Variants in CDH8 observed in about 807,000 individuals in gnomAD.
CDH8 encodes the protein cadherin 8.
CDH8 carries 17 observed loss-of-function variants against 68.1 expected under a neutral mutation model. The observed-to-expected ratio is 0.25, with a 90% CI of 0.17 to 0.37. CDH8 has a LOEUF of 0.37. Among genes scored for constraint, CDH8 ranks in the 10% least tolerant of loss-of-function variants. The pLI is 1.00. For synonymous variants in CDH8, 372 were observed against 365.1 expected, an observed-to-expected ratio of 1.02 and a Z score of -0.21; for missense variants, 763 against 999.3, an observed-to-expected ratio of 0.76 and a Z score of 3.19.
chr16:62,023,516 G>C (rs769354525), intron 1 of CDH8, among the ~76,000 whole-genome samples: 4 of 152,142 alleles, frequency 2.6e-5, no homozygotes, highest in African/African-American at 9.7e-5. Flanking sequence ...CCAGATCATG[G>C]GAAATACTTG....
rs1363120694 is a variant in CDH8 at position 61,649,004 on chromosome 16, G to A, written c.*4604C>T. ...TTATCATAAGAAGCAATAATTACAA[G>A]GGCAAATAATACATTCAACACTGTT... On this transcript the variant is annotated 3_prime_UTR_variant, in exon 12 of 12. Transcript: ENST00000577390. 4 of 151,808 alleles carry A rather than the reference G, an allele frequency of 2.6e-5. No individual in the cohort carries two copies. The highest frequency in any genetic ancestry group is 9.7e-5 in the African/African-American group (4 of 41,372). The allele number at this position is 151,808 out of a possible 1,614,324, so 9.4% of individuals were successfully genotyped here. A position where few individuals can be genotyped will look rare whatever the true frequency, so the allele number is the denominator to read the frequency against.
chr16:61,696,151 G>A (rs1453503818), intron 10 of CDH8, among the ~76,000 whole-genome samples: 1 of 152,174 alleles, frequency 6.6e-6, no homozygotes, highest in African/African-American at 2.4e-5. Flanking sequence ...GGGAAGTGAA[G>A]GAATCCCTCT....
At chr16:62,027,989 A>G (rs1902234398) in intron 1 of CDH8, among the ~76,000 whole-genome samples, 1 of 150,854 alleles carries the variant, frequency 6.6e-6, no homozygotes, top group African/African-American at 2.4e-5. Context: ...CCACATATTT[A>G]TCCAGATGTC....
intron 2 of CDH8, among the ~76,000 whole-genome samples, chr16:62,017,364 T>C (rs1250621476): frequency 1.3e-5 from 2 of 152,118 alleles, no homozygotes; most frequent in Admixed American, 1.3e-4. Flanking sequence ...TTAGAAGAAC[T>C]GATAGGGAAA....
Position 61,901,167 on chromosome 16 carries a change from A to G in CDH8, c.547+12T>C. The G allele has an allele frequency of 6.2e-7, 1 of 1,607,772 alleles. No homozygotes were observed. Among genetic ancestry groups the G allele is most frequent in the Non-Finnish European group, 8.5e-7 (1 of 1,176,342 alleles). ...ACTTTTAATAGATCTGTGAAATTGG[A>G]AGCATACATACCCAAAATGGACATT... On this transcript the variant is annotated intron_variant, in intron 3 of 11. Transcript: ENST00000577390.
intron 10 of CDH8, among the ~76,000 whole-genome samples, chr16:61,687,887 AT>A (rs780155299): frequency 7.2e-5 from 11 of 152,034 alleles, no homozygotes; most frequent in Non-Finnish European, 1.5e-4. Context: ...TCTCATTTAT[AT>A]ATTATTGCAT....
At chr16:61,872,698 C>G (rs957023321) in intron 3 of CDH8, among the ~76,000 whole-genome samples, 1 of 152,148 alleles carries the variant, frequency 6.6e-6, no homozygotes, top group African/African-American at 2.4e-5. Flanking sequence ...CCCATCACAG[C>G]CTAAACTAGT....
intron 2 of CDH8, among the ~76,000 whole-genome samples, chr16:62,007,742 T>C (rs1901707796): frequency 6.6e-6 from 1 of 152,126 alleles, no homozygotes. Context: ...ATGGCTTTTG[T>C]CTGCTTGCTT....
At chr16:61,840,644 A>G (rs1311363814) in intron 4 of CDH8, among the ~76,000 whole-genome samples, 4 of 152,194 alleles carry the variant, frequency 2.6e-5, no homozygotes, top group African/African-American at 7.2e-5. Flanking sequence ...GCCAGAAGAC[A>G]TTATCCTCAG....
At chr16:61,682,749 T>C (rs949024033) in intron 10 of CDH8, among the ~76,000 whole-genome samples, 2 of 152,008 alleles carry the variant, frequency 1.3e-5, no homozygotes, top group African/African-American at 4.8e-5. Flanking sequence ...GCACTTGCAA[T>C]TATCTTGCTT....
chr16:61,865,083 T>C (rs998878455), intron 3 of CDH8, among the ~76,000 whole-genome samples: 45 of 152,292 alleles, frequency 3.0e-4, no homozygotes, highest in African/African-American at 7.2e-4. Flanking sequence ...ATGTGCCAAC[T>C]CTCAGCCTGT....
At chr16:61,988,406 T>C (rs1351262764) in intron 2 of CDH8, among the ~76,000 whole-genome samples, 1 of 152,186 alleles carries the variant, frequency 6.6e-6, no homozygotes, top group Non-Finnish European at 1.5e-5. Flanking sequence ...ATACAAAATA[T>C]GACTTTCTAT....
At position 61,652,809 on chromosome 16, in the gene CDH8, T is replaced by A. The variant is rs1963351433; in HGVS notation, c.*799A>T. ...AATTCACGCGCTAGCAATAAAACCA[T>A]CTGTCTCTTATGTAGTCCACTGTGT... On this transcript the variant is annotated 3_prime_UTR_variant, in exon 12 of 12. Coordinates refer to ENST00000577390, the MANE Select transcript of CDH8 (RefSeq NM_001796.5). The A allele has an allele frequency of 7.2e-7, 1 of 1,386,440 alleles. No homozygotes were observed. Among genetic ancestry groups the A allele is most frequent in the Non-Finnish European group, 9.4e-7 (1 of 1,066,948 alleles). 85.9% of individuals were successfully genotyped at this position (1,386,440 alleles called of 1,614,324 possible). A position where few individuals can be genotyped will look rare whatever the true frequency, so the allele number is the denominator to read the frequency against.
At chr16:61,922,266 C>T (rs1222411846) in intron 2 of CDH8, among the ~76,000 whole-genome samples, 1 of 152,094 alleles carries the variant, frequency 6.6e-6, no homozygotes, top group African/African-American at 2.4e-5. Context: ...AGGAAATAAA[C>T]AGCATGCACT....
At chr16:61,744,052 A>G (rs1959952372) in intron 8 of CDH8, among the ~76,000 whole-genome samples, 1 of 150,548 alleles carries the variant, frequency 6.6e-6, no homozygotes, top group Non-Finnish European at 1.5e-5. Flanking sequence ...TTGTTTTATG[A>G]CACAGTTTTT....
At chr16:61,700,298 T>C (rs1484927918) in intron 10 of CDH8, among the ~76,000 whole-genome samples, 1 of 151,638 alleles carries the variant, frequency 6.6e-6, no homozygotes. Context: ...TTTTTTCTTT[T>C]GAGACGGCGT....
chr16:61,857,232 G>C lies in CDH8; in HGVS notation c.554C>G (p.Ser185Cys), dbSNP rs763663133. Reference protein sequence around the residue: ...TVPEMSILGTSVTNVTATDAD... With the variant: ...TVPEMSILGTCVTNVTATDAD... ...GTCGGTCGCAGTGACGTTAGTGACA[G>C]ATGTACCTAATAAAATAGAGAAAGA... Residue 185 changes from serine to cysteine, a missense_variant, in exon 4 of 12, where the codon TCT (serine) becomes TGT (cysteine). Transcript: ENST00000577390. 6.2e-7 allele frequency: 1 copy of C among 1,611,488 alleles called. No homozygotes were observed. The highest frequency in any genetic ancestry group is 2.2e-5 in the East Asian group (1 of 44,776).
Position 61,650,555 on chromosome 16 carries a change from A to T in CDH8, c.*3053T>A, listed in dbSNP as rs1003886602. The T allele has an allele frequency of 2.0e-5, 3 of 152,112 alleles. No homozygotes were observed. The highest frequency in any genetic ancestry group is 7.2e-5 in the African/African-American group (3 of 41,430). The allele number at this position is 152,112 out of a possible 1,614,324, so 9.4% of individuals were successfully genotyped here. ...TTATTTAACAAATTGAGCATGGGAT[A>T]CTTAAATCTTAGAAAATGTTAGGAA... On this transcript the variant is annotated 3_prime_UTR_variant, in exon 12 of 12. Coordinates refer to ENST00000577390, the MANE Select transcript of CDH8 (RefSeq NM_001796.5).
At position 61,700,998 on chromosome 16, in the gene CDH8, G is replaced by T. The variant is rs552336245; in HGVS notation, c.1654+12843C>A. 3.3e-5 allele frequency among the ~76,000 whole-genome samples: 5 copies of T among 152,178 alleles called. No homozygotes were observed. The East Asian group carries it at 9.7e-4, about 29-fold the overall frequency. The stretch of plus-strand genomic sequence containing the variant: ...ACACACATATCAAAAATATTAGATT[G>T]TACCCCACAAATATGTACAGTTAAT... On this transcript the variant is annotated intron_variant, in intron 10 of 11. Coordinates refer to ENST00000577390, the MANE Select transcript of CDH8 (RefSeq NM_001796.5).
Sources: allele counts gnomAD v4.1 joint callset (sites outside exome capture counted in the v4.1 genomes callset), GRCh38; gene constraint gnomAD v4.1.1; transcripts MANE v1.5; gene names NCBI Gene and HGNC (gene_info 2026-07-23, HGNC 2026-07-21).